Variants in ABHD12 observed in about 807,000 individuals in gnomAD.
ABHD12 encodes abhydrolase domain containing 12, lysophospholipase.
ABHD12 carries 43 observed loss-of-function variants against 58.3 expected under a neutral mutation model. The ratio of observed to expected loss-of-function variants is 0.74; its 90% CI spans 0.58 to 0.95. The LOEUF (loss-of-function observed/expected upper bound fraction) is 0.95, where lower values mean the gene tolerates loss of function less well. ABHD12 is among the 40% of genes least tolerant of loss of function. The pLI, the probability that ABHD12 is intolerant of heterozygous loss-of-function variation, is 0.00. For missense variants in ABHD12, 539 were observed against 537.2 expected (o/e 1.00, Z -0.03); for synonymous variants, 219 against 211.2 (o/e 1.04, Z -0.32).
intron 9 of ABHD12, among the ~76,000 whole-genome samples, chr20:25,307,371 A>C (rs1459931554): frequency 1.3e-5 from 2 of 152,286 alleles, no homozygotes; most frequent in Non-Finnish European, 2.9e-5. Context: ...GCATGAGGCC[A>C]GCATGGGCTG....
intron 6 of ABHD12, among the ~76,000 whole-genome samples, chr20:25,313,134 G>T (rs62212156): frequency 6.8e-6 from 1 of 146,964 alleles, no homozygotes; most frequent in East Asian, 2.2e-4. Context: ...CGGTTTTGTC[G>T]AATAGAAAAG....
At chr20:25,314,740 C>T (rs1472823429) in intron 6 of ABHD12, among the ~76,000 whole-genome samples, 185 bp downstream of exon 6, 1 of 152,006 alleles carries the variant, frequency 6.6e-6, no homozygotes, top group African/African-American at 2.4e-5. Context: ...TGCTGAGCCT[C>T]CCCTACCAGA....
In ABHD12 at chr20:25,390,793, G is replaced by GCCCGGAA. The variant is rs1161550230; in HGVS notation, c.-97_-91dup. 18 of 904,908 alleles carry GCCCGGAA rather than the reference G, an allele frequency of 2.0e-5. No homozygotes were observed. The highest frequency in any genetic ancestry group is 5.4e-5 in the African/African-American group (3 of 56,028). The allele number at this position is 904,908 out of a possible 1,614,324, so 56.1% of individuals were successfully genotyped here. ...CAGCCGCCGCCACCCAGAGCCCGGA[G>GCCCGGAA]CCCGGAACCCGCCGCTCCTCACATC... On this transcript the variant is annotated 5_prime_UTR_variant, in exon 1 of 13. Coordinates refer to ENST00000339157, the MANE Select transcript of ABHD12 (RefSeq NM_001042472.3).
chr20:25,325,256 G>A (rs569453367), intron 2 of ABHD12, among the ~76,000 whole-genome samples: 132 of 150,410 alleles, frequency 8.8e-4, no homozygotes, highest in African/African-American at 3.1e-3. Context: ...CCGGCAGCCC[G>A]GCTGCACAGC....
chr20:25,323,180 G>C, intron 3 of ABHD12, 145 bp downstream of exon 3: 1 of 708,134 alleles, frequency 1.4e-6, no homozygotes, highest in Non-Finnish European at 2.6e-6. Flanking sequence ...TGGATCAAAT[G>C]TACTGAGATC....
chr20:25,296,552 C>G, downstream of ABHD12: 1 of 1,588,784 alleles, frequency 6.3e-7, no homozygotes, highest in East Asian at 2.2e-5. Context: ...GACCAGCGGG[C>G]ATTTGTTTTC....
At chr20:25,300,101 G>T, downstream of ABHD12, 2 of 786,750 alleles carry the variant, frequency 2.5e-6, no homozygotes, top group Non-Finnish European at 3.1e-6. Flanking sequence ...AAATTTCATA[G>T]TCTGAGGCTG....
chr20:25,307,019 C>A (rs1242533042), intron 9 of ABHD12, 104 bp from the exon 10 acceptor site: 1 of 815,348 alleles, frequency 1.2e-6, no homozygotes, highest in African/African-American at 1.7e-5. Flanking sequence ...AGGCGTTGCC[C>A]ATAACTACCC....
chr20:25,320,314 T>C lies in ABHD12; in HGVS notation c.427A>G (p.Thr143Ala). The C allele has an allele frequency of 1.2e-6, 2 of 1,613,740 alleles. No individual in the cohort carries two copies. The highest frequency in any genetic ancestry group is 1.7e-6 in the Non-Finnish European group (2 of 1,180,022). Residue 143 changes from threonine (T) to alanine (A), a missense_variant, in exon 4 of 13, where the codon ACC becomes GCC. Transcript: ENST00000339157. ...EEDVTIGVWH[T>A]VPAVWWKNAQ... is the part of the protein sequence containing the mutation. ...TTCTTCCACCAGACTGCAGGGACGGTGTGCCTGCAGACAGAAGCAGAGGGG... is the reference window on the plus strand; with the variant it reads ...TTCTTCCACCAGACTGCAGGGACGGCGTGCCTGCAGACAGAAGCAGAGGGG...
Position 25,390,738 on chromosome 20 carries a change from C to A in ABHD12, c.-35G>T. ...GACAGGGCCAGCCGCCGACGGCGCC[C>A]GCTGGCCTGCGCCGCAGTGCCGCCG... On this transcript the variant is annotated 5_prime_UTR_variant, in exon 1 of 13. Coordinates refer to ENST00000339157, the MANE Select transcript of ABHD12 (RefSeq NM_001042472.3). 8.3e-7 allele frequency: 1 copy of A among 1,203,236 alleles called. No homozygotes were observed. Among genetic ancestry groups the A allele is most frequent in the Non-Finnish European group, 1.0e-6 (1 of 977,178 alleles). 74.5% of individuals were successfully genotyped at this position (1,203,236 alleles called of 1,614,324 possible).
chr20:25,302,297 T>C lies in ABHD12; in HGVS notation c.1079A>G (p.Gln360Arg), dbSNP rs553242935. 8.1e-6 allele frequency: 13 copies of C among 1,613,878 alleles called. No homozygotes were observed. The South Asian group carries it at 1.4e-4, about 18-fold the overall frequency. The change falls in exon 12 of 13, where the codon CAG becomes CGG. Residue 360 changes from glutamine to arginine, a missense_variant. By Grantham distance (43) the Gln-to-Arg change is conservative (BLOSUM62 1). Coordinates refer to ENST00000339157, the MANE Select transcript of ABHD12 (RefSeq NM_001042472.3). ...PARSFRDFKVQFVPFHSDLGY... is the reference protein window; with the variant it reads ...PARSFRDFKVRFVPFHSDLGY... Reference sequence around the variant, plus strand: ...AAGGTCTGAATGAAAGGGCACAAACTGAACTTTGAAATCTCGGAAGCTTCG... The same window carrying C: ...AAGGTCTGAATGAAAGGGCACAAACCGAACTTTGAAATCTCGGAAGCTTCG...
intron 2 of ABHD12, among the ~76,000 whole-genome samples, chr20:25,331,617 C>T (rs1323648496): frequency 6.6e-6 from 1 of 152,160 alleles, no homozygotes; most frequent in Non-Finnish European, 1.5e-5. Context: ...TCGGCAGAAA[C>T]TCTACAAGCC....
chr20:25,383,575 C>T (rs1034132450), intron 1 of ABHD12, among the ~76,000 whole-genome samples: 14 of 152,200 alleles, frequency 9.2e-5, no homozygotes, highest in Non-Finnish European at 1.3e-4. Flanking sequence ...AATCCCAGCA[C>T]TTTGGGAAGC....
At chr20:25,344,205 G>A (rs930178511) in intron 1 of ABHD12, among the ~76,000 whole-genome samples, 2 of 152,070 alleles carry the variant, frequency 1.3e-5, no homozygotes, top group African/African-American at 4.8e-5. Flanking sequence ...TAGGAACAAA[G>A]CAAGATTACA....
intron 1 of ABHD12, among the ~76,000 whole-genome samples, chr20:25,362,217 T>TTGTGGTGAGCTGGGTGAGCTCACCAA (rs2146088890): frequency 6.6e-6 from 1 of 150,730 alleles, no homozygotes; most frequent in Admixed American, 6.6e-5. Flanking sequence ...CAGGCGGAGG[T>TTGTGGTGAGCTGGGTGAGCTCACCAA]TGTGGTGAGC....
At chr20:25,339,405 T>C in intron 1 of ABHD12, 54 bp from the exon 2 acceptor site, 1 of 1,613,158 alleles carries the variant, frequency 6.2e-7, no homozygotes, top group Non-Finnish European at 8.5e-7. Context: ...CATTTTGCTG[T>C]AGTTTGTTAA....
chr20:25,308,460 GC>G lies in ABHD12; in HGVS notation c.783del (p.Glu261AspfsTer29). On this transcript the variant is annotated frameshift_variant, in exon 8 of 13. Coordinates refer to ENST00000339157, the MANE Select transcript of ABHD12 (RefSeq NM_001042472.3). LOFTEE classifies it high-confidence loss of function. ...VATNLVRRLC[E>X]RETPPDALIL... ...TGGGGCCCAACAAGGCACTCACCTC[GC>G]TCACAGAGGCGCCGCACCAGATTTG... 6.2e-7 allele frequency: 1 copy of G among 1,611,604 alleles called. No individual in the cohort carries two copies. The highest frequency in any genetic ancestry group is 8.5e-7 in the Non-Finnish European group (1 of 1,179,088).
chr20:25,330,641 A>C (rs1216865405), intron 2 of ABHD12, among the ~76,000 whole-genome samples: 2 of 152,238 alleles, frequency 1.3e-5, no homozygotes, highest in East Asian at 3.9e-4. Flanking sequence ...TGCCTCCTCA[A>C]GCGGGTCCCT....
At chr20:25,312,748 G>A (rs1192906148) in intron 6 of ABHD12, among the ~76,000 whole-genome samples, 4 of 150,752 alleles carry the variant, frequency 2.7e-5, no homozygotes, top group East Asian at 2.0e-4. Flanking sequence ...GTCTCTGCCC[G>A]GCCGCCCATC....
Sources: allele counts gnomAD v4.1 joint callset (sites outside exome capture counted in the v4.1 genomes callset), GRCh38; gene constraint gnomAD v4.1.1; transcripts MANE v1.5; gene names NCBI Gene and HGNC (gene_info 2026-07-23, HGNC 2026-07-21).